The following MEI4 variants were observed in gnomAD, a reference collection of about 807,000 sequenced individuals.
MEI4 encodes meiotic double-stranded break formation protein 4, also known as meiosis-specific protein MEI4.
In MEI4, 27 loss-of-function variants were observed where a neutral mutation model predicts 31.4. The observed-to-expected ratio is 0.86, with a 90% CI of 0.63 to 1.19. The LOEUF is 1.19. Among genes scored for constraint, MEI4 ranks in the 50% most tolerant of loss-of-function variants. The probability of loss-of-function intolerance (pLI) is 0.00; values close to 1 mark genes in which losing one functional copy is unlikely to be tolerated. For synonymous variants in MEI4, 122 were observed against 145.4 expected (o/e 0.84, Z 1.16); for missense variants, 329 against 398.9 (o/e 0.82, Z 1.49).
rs537126324 is a variant in MEI4, at chr6:77,906,307, C to T, written c.901-16782C>T. ...GGTGGAGAAGTCATTTATTCAGACT[C>T]TGCATACTAGTTTTGGTGTTGAAAG... is the stretch of plus-strand genomic sequence containing the variant. On this transcript the variant is annotated intron_variant, in intron 4 of 4. Transcript: ENST00000684080. Among the ~76,000 whole-genome samples, 13 of 152,182 alleles carry T rather than the reference C, an allele frequency of 8.5e-5. No homozygotes were observed. In the South Asian group the frequency reaches 2.7e-3, roughly 32 times the overall value.
intron 4 of MEI4, among the ~76,000 whole-genome samples, chr6:77,908,890 C>A (rs1766363387): frequency 6.6e-6 from 1 of 152,060 alleles, no homozygotes; most frequent in South Asian, 2.1e-4. Flanking sequence ...CTTAGACTCC[C>A]ACACAGTAAT....
chr6:77,675,428 A>G (rs1205734030), intron 1 of MEI4, among the ~76,000 whole-genome samples: 1 of 151,996 alleles, frequency 6.6e-6, no homozygotes, highest in Admixed American at 6.6e-5. Flanking sequence ...TTAATGTGCT[A>G]TATGTGTCTA....
Position 77,686,449 on chromosome 6 carries a change from A to G in MEI4, c.-14-4209A>G, listed in dbSNP as rs564054. ...CCTTTCCCCTTTTGTCTTTAAATGT[A>G]TCACTATATTAATGTCTATATGTCT... On this transcript the variant is annotated intron_variant, in intron 1 of 4. Coordinates refer to ENST00000684080, the MANE Select transcript of MEI4 (RefSeq NM_001322247.2). Among the ~76,000 whole-genome samples the G allele has an allele frequency of 8.8e-3, 1,325 of 150,982 alleles. 14 individuals carry two copies. The highest frequency in any genetic ancestry group is 0.03 in the African/African-American group (1,229 of 41,102).
chr6:77,866,610 A>G lies in MEI4; in HGVS notation c.900+37548A>G, dbSNP rs144552638. The stretch of plus-strand genomic sequence containing the variant: ...AGAAATGGAAAAACATTCCATGCTC[A>G]TGGGTAGGAAGAATCAATATTGTGA... On this transcript the variant is annotated intron_variant, in intron 4 of 4. Transcript: ENST00000684080. Among the ~76,000 whole-genome samples the G allele has an allele frequency of 1.4e-3, 215 of 152,352 alleles. 1 individual carries two copies. Among genetic ancestry groups the G allele is most frequent in the Non-Finnish European group, 2.5e-3 (172 of 68,040 alleles).
At chr6:77,913,423 G>C (rs1043678887) in intron 4 of MEI4, among the ~76,000 whole-genome samples, 7 of 152,014 alleles carry the variant, frequency 4.6e-5, no homozygotes, top group Middle Eastern at 3.2e-3. Context: ...TGAACTTTTT[G>C]TGTTGTTAGA....
intron 4 of MEI4, among the ~76,000 whole-genome samples, chr6:77,843,689 G>T (rs1236471479): frequency 6.6e-6 from 1 of 151,992 alleles, no homozygotes; most frequent in East Asian, 1.9e-4. Flanking sequence ...TGTTGTAATG[G>T]CCTCTACTTT....
At chr6:77,910,851 A>T (rs1373009312) in intron 4 of MEI4, among the ~76,000 whole-genome samples, 1 of 150,700 alleles carries the variant, frequency 6.6e-6, no homozygotes, top group African/African-American at 2.4e-5. Context: ...ACTGCTTTCC[A>T]TGGCTACACT....
intron 4 of MEI4, among the ~76,000 whole-genome samples, chr6:77,916,653 C>T (rs1374499632): frequency 6.6e-6 from 1 of 151,990 alleles, no homozygotes; most frequent in Non-Finnish European, 1.5e-5. Flanking sequence ...AAGAAGATCC[C>T]ATATCAAGAA....
At chr6:77,868,754 T>C (rs1771125394) in intron 4 of MEI4, among the ~76,000 whole-genome samples, 1 of 151,816 alleles carries the variant, frequency 6.6e-6, no homozygotes, top group South Asian at 2.1e-4. Flanking sequence ...AGCAACACTC[T>C]CCCAAGAATG....
At chr6:77,729,449 G>A (rs1048044892) in intron 2 of MEI4, among the ~76,000 whole-genome samples, 1 of 152,202 alleles carries the variant, frequency 6.6e-6, no homozygotes, top group African/African-American at 2.4e-5. Flanking sequence ...TGATTCTGAT[G>A]TGTTTGGCAT....
rs1766789553 is a variant in MEI4 at position 77,724,993 on chromosome 6, C to T, written c.232+34090C>T. ...TCTTCTGTTTGAAATGGTTCTAAAG[C>T]TGCTTTAATAATGGCCCAATCATTC... On this transcript the variant is annotated intron_variant, in intron 2 of 4. Coordinates refer to ENST00000684080, the MANE Select transcript of MEI4 (RefSeq NM_001322247.2). 2.1e-5 allele frequency among the ~76,000 whole-genome samples: 3 copies of T among 139,708 alleles called. No individual in the cohort carries two copies. In the South Asian group the frequency reaches 6.7e-4, roughly 31 times the overall value. 91.7% of individuals were successfully genotyped at this position (139,708 alleles called of 152,430 possible). A position where few individuals can be genotyped will look rare whatever the true frequency, so the allele number is the denominator to read the frequency against.
At chr6:77,890,490 T>C (rs1771733530) in intron 4 of MEI4, among the ~76,000 whole-genome samples, 1 of 152,214 alleles carries the variant, frequency 6.6e-6, no homozygotes, top group Non-Finnish European at 1.5e-5. Flanking sequence ...AGGGAGTTAC[T>C]AACTTACTTT....
chr6:77,812,511 G>T (rs1383701001), intron 3 of MEI4, among the ~76,000 whole-genome samples: 4 of 152,092 alleles, frequency 2.6e-5, no homozygotes, highest in African/African-American at 9.7e-5. Context: ...GTTCTGTAGG[G>T]ATTGTTTCTA....
chr6:77,685,370 C>T (rs189120532), intron 1 of MEI4, among the ~76,000 whole-genome samples: 1 of 140,434 alleles, frequency 7.1e-6, no homozygotes, highest in Non-Finnish European at 1.5e-5. Flanking sequence ...TACCATTTGT[C>T]TATGTTTGCT....
At chr6:77,881,245 C>G (rs1454751369) in intron 4 of MEI4, among the ~76,000 whole-genome samples, 1 of 152,096 alleles carries the variant, frequency 6.6e-6, no homozygotes, top group African/African-American at 2.4e-5. Flanking sequence ...TCTAAAACTT[C>G]CTATTTAAAT....
intron 2 of MEI4, among the ~76,000 whole-genome samples, chr6:77,745,470 C>G (rs1462319681): frequency 6.6e-6 from 1 of 152,172 alleles, no homozygotes; most frequent in East Asian, 1.9e-4. Flanking sequence ...ATTCATAAAG[C>G]AAGTCTTGAG....
chr6:77,692,258 C>T (rs1486300195), intron 2 of MEI4, among the ~76,000 whole-genome samples: 1 of 152,002 alleles, frequency 6.6e-6, no homozygotes, highest in South Asian at 2.1e-4. Context: ...CTCTAGTGGA[C>T]CCCCACTAGT....
chr6:77,745,989 A>G (rs1767590609), intron 2 of MEI4, among the ~76,000 whole-genome samples: 1 of 152,346 alleles, frequency 6.6e-6, no homozygotes, highest in South Asian at 2.1e-4. Flanking sequence ...AGGGAAATTT[A>G]TAACACTAAA....
At chr6:77,864,046 C>A (rs940119127) in intron 4 of MEI4, among the ~76,000 whole-genome samples, 3 of 152,116 alleles carry the variant, frequency 2.0e-5, no homozygotes, top group Admixed American at 6.5e-5. Flanking sequence ...ATTTTGTCAC[C>A]ACCAGGCCTG....
Sources: allele counts gnomAD v4.1 joint callset (sites outside exome capture counted in the v4.1 genomes callset), GRCh38; gene constraint gnomAD v4.1.1; transcripts MANE v1.5; gene names NCBI Gene and HGNC (gene_info 2026-07-23, HGNC 2026-07-21).